API5: variants seen among roughly 807,000 people sequenced by gnomAD.
API5 encodes apoptosis inhibitor 5.
API5 carries 6 observed loss-of-function variants against 71.9 expected under a neutral mutation model. That is an observed-to-expected ratio of 0.08 (90% CI 0.05 to 0.16). The LOEUF is 0.16. Ranked by LOEUF, API5 falls within the 10% of genes least tolerant of loss-of-function variation. The pLI, the probability that API5 is intolerant of heterozygous loss-of-function variation, is 1.00. For missense variants in API5, 332 were observed against 612.8 expected (o/e 0.54, Z 4.84); for synonymous variants, 189 against 221.3 (o/e 0.85, Z 1.30).
chr11:43,327,901 A>G, intron 8 of API5, 23 bp downstream of exon 8: 1 of 1,500,320 alleles, frequency 6.7e-7, no homozygotes, highest in Non-Finnish European at 9.3e-7. Flanking sequence ...TCCTTTCCTT[A>G]TGGGATAGTC....
intron 1 of API5, among the ~76,000 whole-genome samples, chr11:43,317,006 T>C (rs1436313520): frequency 6.6e-6 from 1 of 152,162 alleles, no homozygotes; most frequent in Non-Finnish European, 1.5e-5. Flanking sequence ...CATAGCATTA[T>C]CAACAAAAAA....
Position 43,328,906 on chromosome 11 carries a change from T to G in API5, c.1127+13T>G. 6.2e-7 allele frequency: 1 copy of G among 1,613,650 alleles called. No individual in the cohort carries two copies. Among genetic ancestry groups the G allele is most frequent in the Non-Finnish European group, 8.5e-7 (1 of 1,179,628 alleles). On this transcript the variant is annotated intron_variant, in intron 9 of 13. Coordinates refer to ENST00000531273, the MANE Select transcript of API5 (RefSeq NM_001142930.2). The stretch of plus-strand genomic sequence containing the variant: ...ATTTCAAAATCAGGTGATATATGAT[T>G]GAGGTGGCTCAATCCTTGGCAAAGG...
In API5 at chr11:43,311,997, T is replaced by TGAC; in HGVS notation, c.-130_-128dup. 9.5e-7 allele frequency: 1 copy of TGAC among 1,048,150 alleles called. No homozygotes were observed. Among genetic ancestry groups the TGAC allele is most frequent in the Non-Finnish European group, 1.4e-6 (1 of 716,854 alleles). 64.9% of individuals were successfully genotyped at this position (1,048,150 alleles called of 1,614,324 possible). A position where few individuals can be genotyped will look rare whatever the true frequency, so the allele number is the denominator to read the frequency against. ...GGGGGCGCAGCCGCGCTGTGCGCGG[T>TGAC]GACTGGCGGCTGCACTGGCGGCAGC... On this transcript the variant is annotated 5_prime_UTR_variant, in exon 1 of 14. Coordinates refer to ENST00000531273, the MANE Select transcript of API5 (RefSeq NM_001142930.2).
intron 2 of API5, 179 bp downstream of exon 2, chr11:43,318,980 A>G (rs1854773136): frequency 2.0e-6 from 1 of 511,574 alleles, no homozygotes; most frequent in Non-Finnish European, 3.3e-6. Flanking sequence ...CTTTTTCAAC[A>G]CCTTTAAATT....
chr11:43,316,801 C>T (rs1039881611), intron 1 of API5, among the ~76,000 whole-genome samples: 56 of 152,224 alleles, frequency 3.7e-4, no homozygotes, highest in African/African-American at 1.2e-3. Context: ...ACTGCAAGCA[C>T]ACACCACCAT....
chr11:43,318,835 T>G (rs762712157), intron 2 of API5, 34 bp downstream of exon 2: 1 of 1,591,004 alleles, frequency 6.3e-7, no homozygotes, highest in Admixed American at 1.7e-5. Context: ...TAGCAATCTT[T>G]CAGATGTTTC....
chr11:43,327,697 A>C, intron 7 of API5, 92 bp from the exon 8 acceptor site: 1 of 895,336 alleles, frequency 1.1e-6, no homozygotes, highest in Non-Finnish European at 1.7e-6. Context: ...AACATAATTG[A>C]AAATAAAGTC....
chr11:43,314,214 G>A (rs1340813203), intron 1 of API5, among the ~76,000 whole-genome samples: 1 of 152,162 alleles, frequency 6.6e-6, no homozygotes, highest in African/African-American at 2.4e-5. Flanking sequence ...TGACTTAGTT[G>A]GGTAACTTTG....
chr11:43,340,144 C>A, intron 13 of API5: 1 of 258,666 alleles, frequency 3.9e-6, no homozygotes, highest in South Asian at 3.7e-5. Flanking sequence ...TATGCATGAA[C>A]AGTGAACTAG....
At chr11:43,340,397 A>C (rs1855572313) in intron 13 of API5, among the ~76,000 whole-genome samples, 1 of 152,134 alleles carries the variant, frequency 6.6e-6, no homozygotes, top group Non-Finnish European at 1.5e-5. Context: ...TATCAAAATA[A>C]CTGACATTCT....
At chr11:43,338,350 G>A (rs565488473) in intron 13 of API5, among the ~76,000 whole-genome samples, 2 of 151,934 alleles carry the variant, frequency 1.3e-5, no homozygotes, top group African/African-American at 2.4e-5. Context: ...TCAACTTCCC[G>A]GTGCATTCAT....
chr11:43,324,423 G>A lies in API5; in HGVS notation c.750+787G>A, dbSNP rs529864045. Among the ~76,000 whole-genome samples, 3 of 152,136 alleles carry A rather than the reference G, an allele frequency of 2.0e-5. No individual in the cohort carries two copies. In the East Asian group the frequency reaches 5.8e-4, roughly 30 times the overall value. ...CCTGAGGCCATGCATCTTCTGGGAT[G>A]TGCATACATTCATTTGAAAAACACA... On this transcript the variant is annotated intron_variant, in intron 6 of 13. Transcript: ENST00000531273.
chr11:43,327,889 T>C lies in API5; in HGVS notation c.945+11T>C, dbSNP rs747788863. On this transcript the variant is annotated intron_variant, in intron 8 of 13. Coordinates refer to ENST00000531273, the MANE Select transcript of API5 (RefSeq NM_001142930.2). The stretch of plus-strand genomic sequence containing the variant: ...TTTGATAAGTTATTGGTAAGAACTT[T>C]TTCCTTTCCTTATGGGATAGTCAGT... 6.4e-7 allele frequency: 1 copy of C among 1,568,472 alleles called. No homozygotes were observed. The highest frequency in any genetic ancestry group is 1.7e-5 in the Admixed American group (1 of 59,228).
chr11:43,330,830 G>C (rs1855226372), intron 11 of API5, among the ~76,000 whole-genome samples: 1 of 152,174 alleles, frequency 6.6e-6, no homozygotes, highest in African/African-American at 2.4e-5. Flanking sequence ...GTAGCACAAT[G>C]AAATGTTTTT....
chr11:43,335,734 T>C, intron 12 of API5, 124 bp from the exon 13 acceptor site: 1 of 1,148,528 alleles, frequency 8.7e-7, no homozygotes, highest in African/African-American at 1.6e-5. Flanking sequence ...TGTTAATTCC[T>C]TTTTTCTGAT....
intron 5 of API5, among the ~76,000 whole-genome samples, chr11:43,322,826 G>A (rs547401933): frequency 6.6e-6 from 1 of 152,082 alleles, no homozygotes; most frequent in Non-Finnish European, 1.5e-5. Context: ...TCTTTAGCTG[G>A]GAGTATCAGA....
At chr11:43,330,349 A>G (rs1306635928) in intron 10 of API5, 159 bp from the exon 11 acceptor site, 4 of 673,830 alleles carry the variant, frequency 5.9e-6, no homozygotes, top group Admixed American at 5.9e-5. Context: ...GAGTCAAGCA[A>G]TAGGAATACG....
intron 1 of API5, among the ~76,000 whole-genome samples, chr11:43,315,654 C>A (rs1043760656): frequency 2.0e-5 from 3 of 152,050 alleles, no homozygotes; most frequent in Non-Finnish European, 4.4e-5. Context: ...TTATTTAATA[C>A]CTCAAATCTT....
chr11:43,323,708 C>T (rs1854972130), intron 6 of API5, 72 bp downstream of exon 6: 1 of 1,410,306 alleles, frequency 7.1e-7, no homozygotes, highest in East Asian at 2.3e-5. Context: ...TTTAACATTC[C>T]CCTTAAACCT....
Sources: gnomAD v4.1 joint callset for allele counts (sites outside exome capture counted in the v4.1 genomes callset) on GRCh38, gnomAD v4.1.1 for gene constraint, MANE v1.5 for transcripts, NCBI Gene and HGNC (gene_info 2026-07-23, HGNC 2026-07-21) for gene names.